The following DMD variants were observed in gnomAD, a reference collection of about 807,000 sequenced individuals.
DMD encodes the protein dystrophin, also known as mutant dystrophin.
A neutral mutation model predicts 330.1 loss-of-function variants in DMD; 63 were observed. The observed-to-expected ratio is 0.19, with a 90% CI of 0.16 to 0.24. The LOEUF (loss-of-function observed/expected upper bound fraction) is 0.24, where lower values mean the gene tolerates loss of function less well. DMD is among the 10% of genes least tolerant of loss of function. The probability of loss-of-function intolerance (pLI) is 1.00; values close to 1 mark genes in which losing one functional copy is unlikely to be tolerated. For synonymous variants in DMD, 1,223 were observed against 959.8 expected, an observed-to-expected ratio of 1.27 and a Z score of -5.07; for missense variants, 3,344 against 2,684.1, an observed-to-expected ratio of 1.25 and a Z score of -5.43.
At chrX:31,581,491 T>A (rs1321907226) in intron 55 of DMD, among the ~76,000 whole-genome samples, 1 of 111,680 alleles carries the variant, frequency 9.0e-6, no homozygotes, top group African/African-American at 3.2e-5. Context: ...AAAACACAGG[T>A]TTTTTTCTAT....
At chrX:33,180,511 A>G (rs1451018044) in intron 1 of DMD, among the ~76,000 whole-genome samples, 2 of 110,675 alleles carry the variant, frequency 1.8e-5, no homozygotes, top group Admixed American at 9.7e-5. Context: ...CCTGCTACCC[A>G]TTTCATCTTC....
chrX:32,308,626 G>A (rs331313), intron 42 of DMD, among the ~76,000 whole-genome samples: 16,179 of 109,923 alleles, frequency 0.15, 1,013 homozygotes, highest in African/African-American at 0.24. Flanking sequence ...ATTATAAACC[G>A]CAGTAATCAA....
At chrX:31,885,611 C>CAA (rs762289533) in intron 47 of DMD, among the ~76,000 whole-genome samples, 55 of 52,285 alleles carry the variant, frequency 1.1e-3, no homozygotes, top group African/African-American at 1.5e-3. Flanking sequence ...CTCCGTCTCA[C>CAA]AAAAAAAAAA....
intron 54 of DMD, among the ~76,000 whole-genome samples, chrX:31,649,978 T>C (rs921548068): frequency 1.8e-5 from 2 of 110,473 alleles, no homozygotes; most frequent in Non-Finnish European, 3.8e-5. Flanking sequence ...TTTTAAGAGA[T>C]GGAGTCTCAC....
At chrX:32,037,713 G>A (rs763095009) in intron 44 of DMD, among the ~76,000 whole-genome samples, 1 of 110,944 alleles carries the variant, frequency 9.0e-6, no homozygotes, top group Non-Finnish European at 1.9e-5. Context: ...CTCATTATAC[G>A]TGCCATGCAC....
chrX:32,894,742 G>A (rs889590774), intron 2 of DMD, among the ~76,000 whole-genome samples: 3 of 111,902 alleles, frequency 2.7e-5, no homozygotes, highest in Non-Finnish European at 3.8e-5. Context: ...AAGGGTATGC[G>A]CACATTATTG....
intron 1 of DMD, among the ~76,000 whole-genome samples, chrX:33,045,082 T>C (rs2094358751): frequency 9.0e-6 from 1 of 111,013 alleles, no homozygotes; most frequent in African/African-American, 3.3e-5. Context: ...GTCCTTTTTT[T>C]ACAAGGGAAT....
chrX:31,351,725 C>CAAAAAA (rs3061693), intron 60 of DMD, among the ~76,000 whole-genome samples: 8 of 53,017 alleles, frequency 1.5e-4, no homozygotes, highest in African/African-American at 5.1e-4. Context: ...GACTCCATCT[C>CAAAAAA]AAAAAAAAAA....
intron 29 of DMD, 72 bp from the exon 30 acceptor site, chrX:32,411,985 A>G (rs376383651): frequency 6.7e-6 from 8 of 1,190,486 alleles, no homozygotes; most frequent in Non-Finnish European, 9.1e-6. Context: ...CCTGCTGAAC[A>G]ATAAATGAAG....
intron 17 of DMD, among the ~76,000 whole-genome samples, chrX:32,538,463 C>T (rs187904795): frequency 2.7e-5 from 3 of 110,201 alleles, no homozygotes; most frequent in African/African-American, 9.9e-5. Context: ...TCCTATAAAA[C>T]GGCCCCACCC....
chrX:32,382,617 A>ATT (rs5902030), intron 33 of DMD, among the ~76,000 whole-genome samples: 9 of 101,865 alleles, frequency 8.8e-5, no homozygotes, highest in South Asian at 4.4e-4. Flanking sequence ...TTTCCCTTCT[A>ATT]TTTTTTTTTT....
intron 2 of DMD, among the ~76,000 whole-genome samples, chrX:32,935,269 C>T (rs1001226445): frequency 7.1e-5 from 8 of 112,704 alleles, no homozygotes; most frequent in South Asian, 3.6e-4. Flanking sequence ...TGAGCCACCG[C>T]GCCCGGCCTC....
intron 13 of DMD, among the ~76,000 whole-genome samples, chrX:32,592,101 A>G (rs937097150): frequency 2.7e-5 from 3 of 111,263 alleles, no homozygotes; most frequent in African/African-American, 9.8e-5. Flanking sequence ...TAAACTGCCT[A>G]GGCTACATGG....
chrX:31,134,933 A>T (rs1371318191), intron 76 of DMD, among the ~76,000 whole-genome samples: 2 of 111,818 alleles, frequency 1.8e-5, no homozygotes, highest in African/African-American at 6.5e-5. Context: ...CATGCCTGTA[A>T]TCCCAGCCCT....
intron 30 of DMD, among the ~76,000 whole-genome samples, chrX:32,404,594 C>G (rs1401612129): frequency 9.0e-6 from 1 of 111,432 alleles, no homozygotes; most frequent in East Asian, 2.8e-4. Flanking sequence ...AAATGTGCAT[C>G]AACACATAAG....
intron 7 of DMD, among the ~76,000 whole-genome samples, chrX:32,715,133 T>G (rs950275640): frequency 1.8e-5 from 2 of 111,310 alleles, no homozygotes; most frequent in Non-Finnish European, 3.8e-5. Flanking sequence ...GTAACCACTG[T>G]TTTATTCTCT....
At chrX:32,844,154 C>T (rs2080419160) in intron 4 of DMD, among the ~76,000 whole-genome samples, 2 of 111,576 alleles carry the variant, frequency 1.8e-5, no homozygotes, top group South Asian at 7.4e-4. Context: ...CCTGTAATCT[C>T]AGCACTTCGG....
intron 56 of DMD, among the ~76,000 whole-genome samples, chrX:31,498,412 TTATTACATA>T (rs1285171485): frequency 2.2e-4 from 25 of 112,236 alleles, no homozygotes; most frequent in African/African-American, 7.7e-4. Flanking sequence ...TAAAAGGGAA[TTATTACATA>T]TATAATGGTG....
chrX:32,679,458 T>G (rs1465345326), intron 9 of DMD, among the ~76,000 whole-genome samples: 1 of 111,555 alleles, frequency 9.0e-6, no homozygotes, highest in Non-Finnish European at 1.9e-5. Context: ...CTCTTTCTGG[T>G]TTTTTGTCCT....
Sources: gnomAD v4.1 joint callset for allele counts (sites outside exome capture counted in the v4.1 genomes callset) on GRCh38, gnomAD v4.1.1 for gene constraint, MANE v1.5 for transcripts, NCBI Gene and HGNC (gene_info 2026-07-23, HGNC 2026-07-21) for gene names.